The following NOL11 variants were observed in gnomAD, a reference collection of about 807,000 sequenced individuals.
NOL11 encodes nucleolar protein 11.
NOL11 carries 42 observed loss-of-function variants against 93.0 expected under a neutral mutation model. That is an observed-to-expected ratio of 0.45 (90% CI 0.35 to 0.58). The LOEUF (loss-of-function observed/expected upper bound fraction) is 0.58, where lower values mean the gene tolerates loss of function less well. Ranked by LOEUF, NOL11 falls within the 20% of genes least tolerant of loss-of-function variation. The pLI, the probability that NOL11 is intolerant of heterozygous loss-of-function variation, is 0.00. For missense variants in NOL11, 775 were observed against 841.8 expected, an observed-to-expected ratio of 0.92 and a Z score of 0.98; for synonymous variants, 296 against 293.7, an observed-to-expected ratio of 1.01 and a Z score of -0.08.
At chr17:67,740,117 C>T (rs2055241143) in intron 16 of NOL11, among the ~76,000 whole-genome samples, 1 of 151,938 alleles carries the variant, frequency 6.6e-6, no homozygotes, top group African/African-American at 2.4e-5. Context: ...TGCCTGTAAT[C>T]CCAGATACAT....
chr17:67,727,487 G>A (rs1305165176), intron 7 of NOL11, among the ~76,000 whole-genome samples: 4 of 152,054 alleles, frequency 2.6e-5, no homozygotes, highest in African/African-American at 4.8e-5. Flanking sequence ...GAGAAACCCC[G>A]TCTCTATTAA....
Position 67,724,319 on chromosome 17 carries a change from G to A in NOL11, c.664+126G>A, listed in dbSNP as rs545152923. On this transcript the variant is annotated intron_variant, in intron 6 of 17. Coordinates refer to ENST00000253247, the MANE Select transcript of NOL11 (RefSeq NM_015462.5). The stretch of plus-strand genomic sequence containing the variant: ...AGCCATTTCTGTGCTTCTTTACAGC[G>A]TTCATGCCTTCACTTTTTTTTTTTT... 997 of 486,196 alleles carry A rather than the reference G, an allele frequency of 2.1e-3. 2 individuals carry two copies. Among genetic ancestry groups the A allele is most frequent in the Middle Eastern group, 7.2e-3 (14 of 1,940 alleles). The allele number at this position is 486,196 out of a possible 1,614,324, so 30.1% of individuals were successfully genotyped here. A position where few individuals can be genotyped will look rare whatever the true frequency, so the allele number is the denominator to read the frequency against.
In NOL11 at chr17:67,731,472, C is replaced by T. The variant is rs1221604548; in HGVS notation, c.854-2891C>T. On this transcript the variant is annotated intron_variant, in intron 7 of 17. Transcript: ENST00000253247. The stretch of plus-strand genomic sequence containing the variant: ...TAGAGACGGGGTTTCACCGTGGTCT[C>T]GATCTCCTGACCTCGTGATCCGCCC... Among the ~76,000 whole-genome samples the T allele has an allele frequency of 1.2e-3, 4 of 3,296 alleles. 2 individuals are homozygous for T. Among genetic ancestry groups the T allele is most frequent in the African/African-American group, 2.5e-3 (4 of 1,576 alleles). 2.2% of individuals were successfully genotyped at this position (3,296 alleles called of 152,430 possible). A position where few individuals can be genotyped will look rare whatever the true frequency, so the allele number is the denominator to read the frequency against.
chr17:67,729,103 T>G lies in NOL11; in HGVS notation c.853+2455T>G, dbSNP rs532725849. Reference sequence around the variant, plus strand: ...TCTAGTTTTTTTTGTTGTTGTTGTTTTTTTTTTTGAGACAGAGTTTTAGTC... The same window carrying G: ...TCTAGTTTTTTTTGTTGTTGTTGTTGTTTTTTTTGAGACAGAGTTTTAGTC... On this transcript the variant is annotated intron_variant, in intron 7 of 17. Transcript: ENST00000253247. 2.7e-4 allele frequency among the ~76,000 whole-genome samples: 40 copies of G among 149,380 alleles called. No homozygotes were observed. The South Asian group carries it at 3.3e-3, about 12-fold the overall frequency.
chr17:67,718,201 C>A, intron 1 of NOL11, 113 bp downstream of exon 1: 1 of 1,437,596 alleles, frequency 7.0e-7, no homozygotes, highest in Non-Finnish European at 9.5e-7. Context: ...GAAGGCTTAG[C>A]AGAGAGCCGG....
At chr17:67,731,907 T>G (rs2055157417) in intron 7 of NOL11, among the ~76,000 whole-genome samples, 1 of 152,204 alleles carries the variant, frequency 6.6e-6, no homozygotes, top group Non-Finnish European at 1.5e-5. Flanking sequence ...GTATGAGCTC[T>G]CCAACTTTGT....
At chr17:67,729,975 C>T (rs895512612) in intron 7 of NOL11, among the ~76,000 whole-genome samples, 11 of 151,074 alleles carry the variant, frequency 7.3e-5, no homozygotes, top group African/African-American at 2.4e-4. Context: ...GGTCTTGCTA[C>T]GAGCTCCTCC....
chr17:67,723,036 G>C (rs2043230279), intron 5 of NOL11, among the ~76,000 whole-genome samples: 1 of 139,642 alleles, frequency 7.2e-6, no homozygotes, highest in Non-Finnish European at 1.5e-5. Context: ...TTTTGAGATA[G>C]AGTTTCGTTC....
At chr17:67,739,079 C>A (rs1231782954) in intron 15 of NOL11, 69 bp downstream of exon 15, 7 of 1,084,228 alleles carry the variant, frequency 6.5e-6, no homozygotes, top group Non-Finnish European at 9.8e-6. Context: ...CTCTAACCAG[C>A]TGTTAGGGCA....
Position 67,737,506 on chromosome 17 carries a change from A to G in NOL11, c.1219-2A>G. ...CTGAATTCTTTAATTCTGCGCTTTC[A>G]GAAAGATTCAGAAAAACACATTGAA... On this transcript the variant is annotated splice_acceptor_variant, in intron 11 of 17. Transcript: ENST00000253247. LOFTEE classifies it high-confidence loss of function. 6.3e-7 allele frequency: 1 copy of G among 1,597,254 alleles called. No homozygotes were observed. Among genetic ancestry groups the G allele is most frequent in the Non-Finnish European group, 8.5e-7 (1 of 1,174,156 alleles).
intron 6 of NOL11, 103 bp downstream of exon 6, chr17:67,724,296 C>T: frequency 1.6e-6 from 1 of 641,950 alleles, no homozygotes; most frequent in Non-Finnish European, 2.5e-6. Context: ...TCAGTTACAG[C>T]CATTTCTGTG....
chr17:67,738,983 G>C lies in NOL11; in HGVS notation c.1815G>C (p.Leu605Phe), dbSNP rs756500735. Reference protein sequence around the residue: ...AYSETFLLPHLKDIPAQHITL... With the variant: ...AYSETFLLPHFKDIPAQHITL... ...GCGAGACATTTCTTCTGCCTCATTT[G>C]AAAGACATCCCAGCACAGCATATCA... The change falls in exon 15 of 18, where the codon TTG becomes TTC. Residue 605 changes from leucine to phenylalanine, a missense_variant. Leu to Phe is a conservative substitution (Grantham distance 22). Transcript: ENST00000253247. 13 of 1,612,576 alleles carry C rather than the reference G, an allele frequency of 8.1e-6. No homozygotes were observed. In the East Asian group the frequency reaches 2.9e-4, roughly 36 times the overall value.
In NOL11 at chr17:67,738,129, G is replaced by A; in HGVS notation, c.1537G>A (p.Asp513Asn). 6.2e-7 allele frequency: 1 copy of A among 1,606,568 alleles called. No homozygotes were observed. Among genetic ancestry groups the A allele is most frequent in the African/African-American group, 1.3e-5 (1 of 74,864 alleles). Residue 513 changes from aspartate to asparagine, a missense_variant, in exon 14 of 18, where the codon GAT becomes AAT. Transcript: ENST00000253247. ...ACLKIFLSIG[D>N]DSLQETDVNM... ...TTTCAACTACCATCATAGCATTGGT[G>A]ATGACAGTCTTCAAGAAACAGATGT...
At chr17:67,734,878 T>A (rs2055187256) in intron 8 of NOL11, among the ~76,000 whole-genome samples, 2 of 152,230 alleles carry the variant, frequency 1.3e-5, no homozygotes. Context: ...ATTTTTTACC[T>A]GAGGGATTAT....
chr17:67,721,854 G>A (rs1453446171), intron 4 of NOL11, among the ~76,000 whole-genome samples: 1 of 152,172 alleles, frequency 6.6e-6, no homozygotes, highest in Non-Finnish European at 1.5e-5. Context: ...AAAGTGCATC[G>A]TGTTAGTGAA....
intron 14 of NOL11, chr17:67,738,644 C>G: frequency 2.2e-6 from 1 of 448,404 alleles, no homozygotes; most frequent in Non-Finnish European, 3.9e-6. Flanking sequence ...CCAGCCTGGG[C>G]AACATGGCGA....
In NOL11 at chr17:67,737,742, GT is replaced by G. The variant is rs764263521; in HGVS notation, c.1403+56del. 14 of 1,583,170 alleles carry G rather than the reference GT, an allele frequency of 8.8e-6. No individual in the cohort carries two copies. In the Admixed American group the frequency reaches 2.4e-4, roughly 27 times the overall value. ...GTACGTGCATAATTCTTCTGACCTT[GT>G]TTTTTATAGTTCTAATCTTCTGAAA... On this transcript the variant is annotated intron_variant, in intron 12 of 17. Transcript: ENST00000253247.
At position 67,717,971 on chromosome 17, in the gene NOL11, C is replaced by T; in HGVS notation, c.24C>T (p.Phe8=). Reference sequence around the variant, plus strand: ...AAATGGCAGCGCTGGAGGAAGAATTCACGTTGTCTTCGGTAGTCCTGAGCG... The same window carrying T: ...AAATGGCAGCGCTGGAGGAAGAATTTACGTTGTCTTCGGTAGTCCTGAGCG... MAALEEE[F]TLSSVVLSAG... The change falls in exon 1 of 18, where the codon TTC becomes TTT. Residue 8 remains phenylalanine (F), a synonymous_variant. Coordinates refer to ENST00000253247, the MANE Select transcript of NOL11 (RefSeq NM_015462.5). The T allele has an allele frequency of 1.2e-6, 2 of 1,614,214 alleles. No homozygotes were observed. Among genetic ancestry groups the T allele is most frequent in the Admixed American group, 1.7e-5 (1 of 60,022 alleles).
At chr17:67,730,237 G>GT (rs753246691) in intron 7 of NOL11, among the ~76,000 whole-genome samples, 2 of 151,748 alleles carry the variant, frequency 1.3e-5, no homozygotes, top group East Asian at 1.9e-4. Context: ...TTGTGTACCA[G>GT]TTTTTTTTGT....
Sources: allele counts gnomAD v4.1 joint callset (sites outside exome capture counted in the v4.1 genomes callset), GRCh38; gene constraint gnomAD v4.1.1; transcripts MANE v1.5; gene names NCBI Gene and HGNC (gene_info 2026-07-23, HGNC 2026-07-21).